TRIM6: variants seen among roughly 807,000 people sequenced by gnomAD.
TRIM6 encodes the protein tripartite motif containing 6, also known as tripartite motif-containing protein 6.
In TRIM6, 43 loss-of-function variants were observed where a neutral mutation model predicts 51.2. That is an observed-to-expected ratio of 0.84 (90% confidence interval 0.66 to 1.08). TRIM6 has a LOEUF of 1.08. Ranked by LOEUF, TRIM6 falls within the 50% of genes least tolerant of loss-of-function variation. The probability of loss-of-function intolerance (pLI) is 0.00; values close to 1 mark genes in which losing one functional copy is unlikely to be tolerated. For synonymous variants in TRIM6, 215 were observed against 232.4 expected (o/e 0.93, Z 0.68); for missense variants, 669 against 619.0 (o/e 1.08, Z -0.86).
intron 4 of TRIM6, among the ~76,000 whole-genome samples, chr11:5,606,783 A>T (rs566987232): frequency 1.3e-5 from 2 of 152,360 alleles, no homozygotes; most frequent in African/African-American, 4.8e-5. Flanking sequence ...CACATTCATT[A>T]GTATGACTGC....
chr11:5,611,653 G>T lies in TRIM6; in HGVS notation c.*311G>T. On this transcript the variant is annotated 3_prime_UTR_variant, in exon 8 of 8. Coordinates refer to ENST00000380097, the MANE Select transcript of TRIM6 (RefSeq NM_001003818.3). ...ATTTTTATAGAGATAGGGTTTCACC[G>T]TGTTGGCCAGGCTGATCTCGAACTC... 2 of 265,674 alleles carry T rather than the reference G, an allele frequency of 7.5e-6. No homozygotes were observed. Among genetic ancestry groups the T allele is most frequent in the South Asian group, 1.1e-4 (2 of 18,366 alleles). 16.5% of individuals were successfully genotyped at this position (265,674 alleles called of 1,614,324 possible). A position where few individuals can be genotyped will look rare whatever the true frequency, so the allele number is the denominator to read the frequency against.
rs1230519155 is a variant in TRIM6, at chr11:5,596,703, A to G, written c.-195A>G. ...GTGGGTCCGTCCGTTCAACGGCCAA[A>G]GGCTGGCGGAGGAGGGATCCCCTGC... is the stretch of plus-strand genomic sequence containing the variant. On this transcript the variant is annotated 5_prime_UTR_variant, in exon 1 of 8. Transcript: ENST00000380097. 2.5e-6 allele frequency: 2 copies of G among 796,468 alleles called. No individual in the cohort carries two copies. Among genetic ancestry groups the G allele is most frequent in the African/African-American group, 1.8e-5 (1 of 56,668 alleles). The allele number at this position is 796,468 out of a possible 1,614,324, so 49.3% of individuals were successfully genotyped here.
At chr11:5,608,318 G>A (rs1269576857) in intron 4 of TRIM6, 54 bp from the exon 5 acceptor site, 26 of 1,608,854 alleles carry the variant, frequency 1.6e-5, no homozygotes, top group Non-Finnish European at 2.1e-5. Flanking sequence ...GGAGAAATGT[G>A]GATAAGGGCA....
chr11:5,597,598 A>T (rs1847550892), intron 1 of TRIM6, among the ~76,000 whole-genome samples: 5 of 152,170 alleles, frequency 3.3e-5, no homozygotes, highest in African/African-American at 1.2e-4. Flanking sequence ...TATAAATGCA[A>T]CTGCCACCTA....
chr11:5,605,442 GAGA>G lies in TRIM6; in HGVS notation c.715_717del (p.Lys239del), dbSNP rs748030578. The G allele has an allele frequency of 1.4e-5, 22 of 1,614,090 alleles. No homozygotes were observed. In the African/African-American group the frequency reaches 2.5e-4, roughly 19 times the overall value. On this transcript the variant is annotated inframe_deletion, in exon 4 of 8. Transcript: ENST00000380097. ...GGAGCTGAAAAAGCTGGAACAGGAA[GAGA>G]AGAAGGGGCTACGAATTATAGAAGA...
At chr11:5,609,328 C>T (rs1191433834) in intron 5 of TRIM6, among the ~76,000 whole-genome samples, 1 of 152,126 alleles carries the variant, frequency 6.6e-6, no homozygotes, top group African/African-American at 2.4e-5. Context: ...GACGGCAAAT[C>T]CTAAAATGCT....
At chr11:5,608,074 G>A (rs1441404286) in intron 4 of TRIM6, among the ~76,000 whole-genome samples, 1 of 152,178 alleles carries the variant, frequency 6.6e-6, no homozygotes, top group African/African-American at 2.4e-5. Flanking sequence ...AGGTTCTCTA[G>A]GCCAGGCACA....
chr11:5,607,328 C>T (rs974377616), intron 4 of TRIM6, among the ~76,000 whole-genome samples: 1 of 152,160 alleles, frequency 6.6e-6, no homozygotes, highest in Non-Finnish European at 1.5e-5. Context: ...AGTACAGCCA[C>T]AATGTAAGAT....
At chr11:5,608,526 T>G (rs1019710941) in intron 5 of TRIM6, 132 bp downstream of exon 5, 1 of 1,393,886 alleles carries the variant, frequency 7.2e-7, no homozygotes. Context: ...GCGCATCACA[T>G]GGAGTTTTGG....
chr11:5,605,504 G>C lies in TRIM6; in HGVS notation c.771G>C (p.Ser257=). The C allele has an allele frequency of 6.2e-7, 1 of 1,614,150 alleles. No individual in the cohort carries two copies. Among genetic ancestry groups the C allele is most frequent in the South Asian group, 1.1e-5 (1 of 91,086 alleles). Residue 257 remains serine (S), a synonymous_variant, in exon 4 of 8, where the codon TCG becomes TCC. Coordinates refer to ENST00000380097, the MANE Select transcript of TRIM6 (RefSeq NM_001003818.3). ...ATGATCTGGTCCACCAGACCCAGTC[G>C]CTGCGAGAGCTCATCTCGGATCTGG... is the stretch of plus-strand genomic sequence containing the variant. ...AENDLVHQTQ[S]LRELISDLER... is the part of the protein sequence containing the mutation.
intron 3 of TRIM6, chr11:5,605,040 G>T (rs1371820986): frequency 1.3e-5 from 6 of 473,374 alleles, no homozygotes; most frequent in Non-Finnish European, 2.3e-5. Context: ...GAAATTGGAA[G>T]AGGAGGCTGA....
intron 3 of TRIM6, among the ~76,000 whole-genome samples, chr11:5,604,998 G>C (rs1295469525): frequency 2.6e-5 from 4 of 151,702 alleles, no homozygotes; most frequent in Admixed American, 1.3e-4. Context: ...AGACAGGTTA[G>C]TCACAGGCCA....
intron 7 of TRIM6, 56 bp from the exon 8 acceptor site, chr11:5,610,721 C>A: frequency 6.3e-7 from 1 of 1,588,934 alleles, no homozygotes; most frequent in South Asian, 1.2e-5. Context: ...CTCTTCTCAG[C>A]ATAACGAGAC....
Position 5,611,576 on chromosome 11 carries a change from C to G in TRIM6, c.*234C>G. 2.2e-6 allele frequency: 1 copy of G among 445,278 alleles called. No homozygotes were observed. Among genetic ancestry groups the G allele is most frequent in the South Asian group, 3.4e-5 (1 of 29,568 alleles). The allele number at this position is 445,278 out of a possible 1,614,324, so 27.6% of individuals were successfully genotyped here. A position where few individuals can be genotyped will look rare whatever the true frequency, so the allele number is the denominator to read the frequency against. The stretch of plus-strand genomic sequence containing the variant: ...TCAAGCGAACCTCCTGCCTCAGCAT[C>G]CCAAGTAGCTGGGATTACAGGCACC... On this transcript the variant is annotated 3_prime_UTR_variant, in exon 8 of 8. Coordinates refer to ENST00000380097, the MANE Select transcript of TRIM6 (RefSeq NM_001003818.3).
At chr11:5,597,652 C>T (rs4255566) in intron 1 of TRIM6, among the ~76,000 whole-genome samples, 75,407 of 151,954 alleles carry the variant, frequency 0.5, 19,136 homozygotes, top group Middle Eastern at 0.71. Context: ...TGGACGGGCC[C>T]GCTCTGTCAT....
intron 1 of TRIM6, among the ~76,000 whole-genome samples, chr11:5,602,485 A>T (rs182199116): frequency 3.3e-5 from 5 of 151,848 alleles, no homozygotes; most frequent in Admixed American, 6.6e-5. Context: ...GCTGTGCTCT[A>T]AATAGACTAG....
Position 5,603,331 on chromosome 11 carries a change from G to T in TRIM6, c.103G>T (p.Val35Leu). The change falls in exon 2 of 8, where the codon GTG becomes TTG. Residue 35 changes from valine (V) to leucine (L), a missense_variant. Transcript: ENST00000380097. Reference sequence around the variant, plus strand: ...AGCTACAATGACTTCACCAGTACTGGTGGACATACGAGAAGAGGTGACCTG... The same window carrying T: ...AGCTACAATGACTTCACCAGTACTGTTGGACATACGAGAAGAGGTGACCTG... ...RVATMTSPVL[V>L]DIREEVTCPI... 6.2e-7 allele frequency: 1 copy of T among 1,614,106 alleles called. No individual in the cohort carries two copies.
intron 1 of TRIM6, among the ~76,000 whole-genome samples, chr11:5,600,701 T>G (rs1847786787): frequency 6.6e-6 from 1 of 152,304 alleles, no homozygotes; most frequent in Non-Finnish European, 1.5e-5. Context: ...GGACTGTTTT[T>G]TACATCAGTG....
At chr11:5,604,082 G>A (rs759158769) in intron 2 of TRIM6, among the ~76,000 whole-genome samples, 4 of 152,036 alleles carry the variant, frequency 2.6e-5, no homozygotes, top group East Asian at 1.9e-4. Flanking sequence ...TGCAACCTCC[G>A]CCTCCCGGGT....
Sources: allele counts gnomAD v4.1 joint callset (sites outside exome capture counted in the v4.1 genomes callset), GRCh38; gene constraint gnomAD v4.1.1; transcripts MANE v1.5; gene names NCBI Gene and HGNC (gene_info 2026-07-23, HGNC 2026-07-21).